Variants in ACO1 observed in about 807,000 individuals in gnomAD.
ACO1 encodes the protein aconitase 1.
In ACO1, 78 loss-of-function variants were observed where a neutral mutation model predicts 105.1. The observed-to-expected ratio is 0.74, with a 90% CI of 0.62 to 0.90. ACO1 has a LOEUF of 0.90. ACO1 is among the 40% of genes least tolerant of loss of function. The probability of loss-of-function intolerance (pLI) is 0.00; values close to 1 mark genes in which losing one functional copy is unlikely to be tolerated. For missense variants in ACO1, 965 were observed against 1,111.1 expected (o/e 0.87, Z 1.87); for synonymous variants, 364 against 397.4 (o/e 0.92, Z 1.00).
At position 32,452,254 on chromosome 9, in the gene ACO1, C is replaced by G. The variant is rs1822784419; in HGVS notation, c.*2143C>G. ...CCCCGCATTCAGTGGCTCCTGTGGT[C>G]TGTATTTTTGTATCCTCCCCAAAAT... On this transcript the variant is annotated 3_prime_UTR_variant, in exon 21 of 21. Transcript: ENST00000309951. 6.6e-6 allele frequency: 1 copy of G among 152,232 alleles called. No individual in the cohort carries two copies. The highest frequency in any genetic ancestry group is 2.4e-5 in the African/African-American group (1 of 41,454). The allele number at this position is 152,232 out of a possible 1,614,324, so 9.4% of individuals were successfully genotyped here.
At chr9:32,440,873 A>G (rs553062767) in intron 19 of ACO1, among the ~76,000 whole-genome samples, 10 of 152,208 alleles carry the variant, frequency 6.6e-5, no homozygotes, top group Non-Finnish European at 1.3e-4. Context: ...AAACATATCC[A>G]GAAGTATACA....
rs996964142 is a variant in ACO1 at position 32,453,727 on chromosome 9, T to C, written c.*3616T>C. 2.6e-5 allele frequency: 4 copies of C among 152,234 alleles called. No individual in the cohort carries two copies. Among genetic ancestry groups the C allele is most frequent in the Non-Finnish European group, 5.9e-5 (4 of 68,052 alleles). The allele number at this position is 152,234 out of a possible 1,614,324, so 9.4% of individuals were successfully genotyped here. On this transcript the variant is annotated 3_prime_UTR_variant, in exon 21 of 21. Transcript: ENST00000309951. Reference sequence around the variant, plus strand: ...GACTGTGGAGTAATGTACGGGGTTATGTAGGAGCAATGCAGAGCCACTTTT... The same window carrying C: ...GACTGTGGAGTAATGTACGGGGTTACGTAGGAGCAATGCAGAGCCACTTTT...
At chr9:32,422,112 A>C (rs1336086802) in intron 8 of ACO1, among the ~76,000 whole-genome samples, 3 of 152,230 alleles carry the variant, frequency 2.0e-5, no homozygotes, top group Non-Finnish European at 4.4e-5. Flanking sequence ...AAAGAAAGAG[A>C]GGGATAGTGT....
At chr9:32,421,536 C>T (rs570785668) in intron 8 of ACO1, among the ~76,000 whole-genome samples, 1 of 152,226 alleles carries the variant, frequency 6.6e-6, no homozygotes, top group South Asian at 2.1e-4. Context: ...TGCAACACCC[C>T]TCTCAGGGAT....
chr9:32,434,591 G>GGAT lies in ACO1; in HGVS notation c.1991_1993dup (p.Asp664dup). ...ATCTTCAGCCCCCTAAATCTATAGTGGATGCCTATGTGCTGCTAAATTTGG... is the reference window on the plus strand; with the variant it reads ...ATCTTCAGCCCCCTAAATCTATAGTGGATGATGCCTATGTGCTGCTAAATTTGG... On this transcript the variant is annotated inframe_insertion, in exon 17 of 21. Transcript: ENST00000309951. The GGAT allele has an allele frequency of 6.2e-7, 1 of 1,614,122 alleles. No individual in the cohort carries two copies. The highest frequency in any genetic ancestry group is 1.7e-5 in the Admixed American group (1 of 60,008).
At chr9:32,437,707 G>C (rs1163731339) in intron 18 of ACO1, among the ~76,000 whole-genome samples, 1 of 152,080 alleles carries the variant, frequency 6.6e-6, no homozygotes, top group African/African-American at 2.4e-5. Flanking sequence ...GGGTGATGGG[G>C]AGTGCAAAAA....
rs539599976 is a variant in ACO1, at chr9:32,440,454, C to G, written c.2248-11C>G. On this transcript the variant is annotated splice_polypyrimidine_tract_variant and intron_variant, in intron 18 of 20. Transcript: ENST00000309951. ...TCCTGCATCTGTAAAACTTCCTTTTCTCTTCCTCAGCTTGATGTGTTTGAT... is the reference window on the plus strand; with the variant it reads ...TCCTGCATCTGTAAAACTTCCTTTTGTCTTCCTCAGCTTGATGTGTTTGAT... The G allele has an allele frequency of 3.5e-4, 570 of 1,613,526 alleles. 8 individuals carry two copies. In the South Asian group the frequency reaches 5.9e-3, roughly 17 times the overall value.
At chr9:32,441,103 C>T (rs1314190277) in intron 19 of ACO1, among the ~76,000 whole-genome samples, 1 of 152,164 alleles carries the variant, frequency 6.6e-6, no homozygotes, top group Non-Finnish European at 1.5e-5. Flanking sequence ...TTGGGAGAAT[C>T]ACTTTTTATA....
At chr9:32,388,273 T>G (rs1409972406) in intron 1 of ACO1, among the ~76,000 whole-genome samples, 5 of 152,168 alleles carry the variant, frequency 3.3e-5, no homozygotes, top group Admixed American at 3.3e-4. Context: ...CACCGTGGCT[T>G]ACGCCTGTAA....
At chr9:32,431,623 A>T in intron 14 of ACO1, 96 bp from the exon 15 acceptor site, 1 of 1,363,154 alleles carries the variant, frequency 7.3e-7, no homozygotes, top group Non-Finnish European at 1.0e-6. Flanking sequence ...CGGGCTTTAT[A>T]GAACATAACT....
intron 20 of ACO1, 34 bp downstream of exon 20, chr9:32,449,115 G>T: frequency 6.4e-7 from 1 of 1,550,618 alleles, no homozygotes; most frequent in Non-Finnish European, 8.7e-7. Flanking sequence ...AGGCCCTGTC[G>T]AAAGGGGCCC....
Position 32,440,474 on chromosome 9 carries a change from T to C in ACO1, c.2257T>C (p.Phe753Leu). Residue 753 changes from phenylalanine (F) to leucine (L), a missense_variant, in exon 19 of 21, where the codon TTT (phenylalanine) becomes CTT (leucine). Coordinates refer to ENST00000309951, the MANE Select transcript of ACO1 (RefSeq NM_002197.3). The part of the protein sequence containing the change: ...HLPSGEILDV[F>L]DAAERYQQAG... Reference sequence around the variant, plus strand: ...CTTTTCTCTTCCTCAGCTTGATGTGTTTGATGCTGCTGAGCGGTACCAGCA... The same window carrying C: ...CTTTTCTCTTCCTCAGCTTGATGTGCTTGATGCTGCTGAGCGGTACCAGCA... The C allele has an allele frequency of 6.2e-7, 1 of 1,613,834 alleles. No homozygotes were observed. The highest frequency in any genetic ancestry group is 8.5e-7 in the Non-Finnish European group (1 of 1,179,838).
In ACO1 at chr9:32,428,241, G is replaced by A. The variant is rs566101907; in HGVS notation, c.1484+805G>A. On this transcript the variant is annotated intron_variant, in intron 12 of 20. Transcript: ENST00000309951. The stretch of plus-strand genomic sequence containing the variant: ...TGAGGTTGCAGTGAGCTATGATCAC[G>A]CCACTGTACTCCAGTTTGGGTGACA... 4.9e-5 allele frequency among the ~76,000 whole-genome samples: 7 copies of A among 142,804 alleles called. No individual in the cohort carries two copies. The East Asian group carries it at 6.4e-4, about 13-fold the overall frequency. 93.7% of individuals were successfully genotyped at this position (142,804 alleles called of 152,430 possible).
intron 19 of ACO1, among the ~76,000 whole-genome samples, chr9:32,447,956 G>A (rs539281175): frequency 1.1e-4 from 16 of 152,280 alleles, no homozygotes; most frequent in Middle Eastern, 3.4e-3. Context: ...TCCCAGAGGC[G>A]GACCCACCAG....
chr9:32,393,788 CA>C (rs984699170), intron 1 of ACO1, among the ~76,000 whole-genome samples: 2 of 152,170 alleles, frequency 1.3e-5, no homozygotes, highest in African/African-American at 4.8e-5. Context: ...CGTGAAATAT[CA>C]GGGGTGAATT....
At position 32,421,041 on chromosome 9, in the gene ACO1, C is replaced by A. The variant is rs369183976; in HGVS notation, c.970+14C>A. 63 of 1,607,010 alleles carry A rather than the reference C, an allele frequency of 3.9e-5. No homozygotes were observed. Among genetic ancestry groups the A allele is most frequent in the African/African-American group, 5.4e-5 (4 of 74,746 alleles). ...TGGTGCAAACAGGTAAGTGAAGGGCCCTGAAAGCATCGGGCTTTTTGTAAA... is the reference window on the plus strand; with the variant it reads ...TGGTGCAAACAGGTAAGTGAAGGGCACTGAAAGCATCGGGCTTTTTGTAAA... On this transcript the variant is annotated intron_variant, in intron 8 of 20. Coordinates refer to ENST00000309951, the MANE Select transcript of ACO1 (RefSeq NM_002197.3).
At chr9:32,390,179 A>G (rs149475152) in intron 1 of ACO1, among the ~76,000 whole-genome samples, 1 of 152,308 alleles carries the variant, frequency 6.6e-6, no homozygotes, top group African/African-American at 2.4e-5. Flanking sequence ...GTATAAATTA[A>G]CGAGAATCAC....
intron 19 of ACO1, among the ~76,000 whole-genome samples, chr9:32,441,753 C>T (rs1159734505): frequency 6.6e-6 from 1 of 152,184 alleles, no homozygotes; most frequent in Non-Finnish European, 1.5e-5. Context: ...CCCAGGGGTT[C>T]TCTAGAGTCC....
intron 1 of ACO1, among the ~76,000 whole-genome samples, chr9:32,402,196 T>G (rs1821510991): frequency 6.6e-6 from 1 of 152,196 alleles, no homozygotes; most frequent in Non-Finnish European, 1.5e-5. Flanking sequence ...CTTCTTTTTT[T>G]TTTCTTTTTT....
Sources: allele counts gnomAD v4.1 joint callset (sites outside exome capture counted in the v4.1 genomes callset), GRCh38; gene constraint gnomAD v4.1.1; transcripts MANE v1.5; gene names NCBI Gene and HGNC (gene_info 2026-07-23, HGNC 2026-07-21).